The following CHODL variants were observed in gnomAD, a reference collection of about 807,000 sequenced individuals.
CHODL encodes the protein transmembrane protein MT75.
Under a neutral mutation model 34.5 loss-of-function variants are expected in CHODL, and 29 were observed. The observed-to-expected ratio is 0.84, with a 90% CI of 0.63 to 1.15. The LOEUF (loss-of-function observed/expected upper bound fraction) is 1.15. Ranked by LOEUF, CHODL falls within the 50% of genes most tolerant of loss-of-function variation. The pLI, the probability that CHODL is intolerant of heterozygous loss-of-function variation, is 0.00. For synonymous variants in CHODL, 125 were observed against 116.1 expected (o/e 1.08, Z -0.49); for missense variants, 332 against 332.5 (o/e 1.00, Z 0.01).
chr21:18,170,525 T>A (rs1421990128), intron 2 of CHODL, among the ~76,000 whole-genome samples: 1 of 152,202 alleles, frequency 6.6e-6, no homozygotes, highest in East Asian at 1.9e-4. Context: ...AGGTATTTTC[T>A]GTGTACTGTC....
Position 18,175,705 on chromosome 21 carries a change from T to C in CHODL, c.-44-80804T>C, listed in dbSNP as rs940925765. Among the ~76,000 whole-genome samples the C allele has an allele frequency of 5.9e-5, 9 of 151,814 alleles. 1 individual carries two copies. The highest frequency in any genetic ancestry group is 3.3e-4 in the Admixed American group (5 of 15,236). Reference sequence around the variant, plus strand: ...GGAATACAGCTTGTAACAAATTATATGGAACAAGCAAACGGTACTGAGATA... The same window carrying C: ...GGAATACAGCTTGTAACAAATTATACGGAACAAGCAAACGGTACTGAGATA... On this transcript the variant is annotated intron_variant, in intron 2 of 6. Transcript: ENST00000400127.
chr21:18,136,040 G>T (rs528917213), intron 2 of CHODL, among the ~76,000 whole-genome samples: 10 of 149,210 alleles, frequency 6.7e-5, no homozygotes, highest in Non-Finnish European at 1.5e-4. Flanking sequence ...CTGGGAGACG[G>T]AGGTTGCAGC....
At chr21:18,139,828 A>G (rs2072780373) in intron 2 of CHODL, among the ~76,000 whole-genome samples, 1 of 152,196 alleles carries the variant, frequency 6.6e-6, no homozygotes, top group African/African-American at 2.4e-5. Flanking sequence ...TTTTAGAAAG[A>G]GTACTCTACT....
intron 2 of CHODL, among the ~76,000 whole-genome samples, chr21:18,129,269 A>AT (rs58317594): frequency 7.5e-4 from 112 of 150,012 alleles, no homozygotes; most frequent in Admixed American, 2.9e-3. Context: ...CAAAGAAGAG[A>AT]TTTTTTTTTT....
At chr21:18,250,652 T>C (rs1368926634) in intron 1 of CHODL, among the ~76,000 whole-genome samples, 2 of 151,998 alleles carry the variant, frequency 1.3e-5, no homozygotes, top group Non-Finnish European at 2.9e-5. Flanking sequence ...AGTCATTTTC[T>C]TTTTAGTTCA....
At chr21:18,033,529 A>C (rs1414611944) in intron 2 of CHODL, among the ~76,000 whole-genome samples, 2 of 152,066 alleles carry the variant, frequency 1.3e-5, no homozygotes, top group African/African-American at 2.4e-5. Flanking sequence ...ATTTATGGTA[A>C]GATACCACTG....
chr21:18,215,450 C>CTTGACGATATCTT (rs1260231432), intron 2 of CHODL, among the ~76,000 whole-genome samples: 1 of 152,148 alleles, frequency 6.6e-6, no homozygotes, highest in Non-Finnish European at 1.5e-5. Context: ...GAGGCATGGT[C>CTTGACGATATCTT]TTGACGATAT....
intron 1 of CHODL, among the ~76,000 whole-genome samples, chr21:18,251,512 A>T (rs1568957487): frequency 9.4e-6 from 1 of 106,788 alleles, no homozygotes; most frequent in Non-Finnish European, 1.7e-5. Flanking sequence ...TTATTTTAAT[A>T]TATAAAATAT....
At chr21:17,999,897 TAC>T (rs2063889237) in intron 1 of CHODL, among the ~76,000 whole-genome samples, 1 of 152,174 alleles carries the variant, frequency 6.6e-6, no homozygotes, top group Admixed American at 6.5e-5. Flanking sequence ...TGTGAAGATG[TAC>T]ACCAACCTCT....
intron 2 of CHODL, among the ~76,000 whole-genome samples, chr21:18,109,630 T>C (rs933007780): frequency 6.6e-6 from 1 of 152,268 alleles, no homozygotes; most frequent in South Asian, 2.1e-4. Context: ...TTGTTTTTTT[T>C]CCCCTCATCT....
chr21:18,148,956 G>C, intron 2 of CHODL, among the ~76,000 whole-genome samples: 1 of 150,828 alleles, frequency 6.6e-6, no homozygotes, highest in Admixed American at 6.6e-5. Context: ...AAAGATACCA[G>C]TTTGGCTGTT....
At chr21:17,973,364 G>C (rs141441434) in intron 1 of CHODL, among the ~76,000 whole-genome samples, 112 of 151,518 alleles carry the variant, frequency 7.4e-4, no homozygotes, top group African/African-American at 2.6e-3. Flanking sequence ...AACCTACAGA[G>C]TGGGAGACAA....
At chr21:17,929,781 C>T (rs550352988) in intron 1 of CHODL, among the ~76,000 whole-genome samples, 13 of 152,368 alleles carry the variant, frequency 8.5e-5, no homozygotes, top group Admixed American at 3.3e-4. Context: ...ATTCCTGAAA[C>T]GCTGCAGCCT....
upstream of CHODL, among the ~76,000 whole-genome samples, chr21:18,240,001 A>G (rs1325428022): frequency 6.6e-6 from 1 of 151,980 alleles, no homozygotes; most frequent in East Asian, 1.9e-4. Context: ...TTTTTTCTTT[A>G]GTGAAATAAA....
At chr21:18,020,989 G>A (rs1251000711) in intron 1 of CHODL, among the ~76,000 whole-genome samples, 1 of 152,074 alleles carries the variant, frequency 6.6e-6, no homozygotes, top group Non-Finnish European at 1.5e-5. Context: ...CTTTCTTTTT[G>A]CATTAGGATG....
At chr21:18,252,129 C>T (rs1027318943) in intron 1 of CHODL, among the ~76,000 whole-genome samples, 2 of 152,092 alleles carry the variant, frequency 1.3e-5, no homozygotes, top group African/African-American at 2.4e-5. Flanking sequence ...TCTTTTCTCT[C>T]TCTTGTAGAT....
chr21:18,189,698 G>A (rs1047609007), intron 2 of CHODL, among the ~76,000 whole-genome samples: 8 of 146,386 alleles, frequency 5.5e-5, no homozygotes, highest in African/African-American at 1.8e-4. Context: ...GCAGTGGTGC[G>A]ATCTCAGCTC....
At chr21:18,037,662 C>A (rs1316310833) in intron 2 of CHODL, among the ~76,000 whole-genome samples, 1 of 151,594 alleles carries the variant, frequency 6.6e-6, no homozygotes, top group African/African-American at 2.4e-5. Context: ...TGCAGAAGCT[C>A]TCCAAGATCA....
intron 1 of CHODL, among the ~76,000 whole-genome samples, chr21:17,941,286 C>CTTTTTTTTTT (rs34255623): frequency 6.8e-5 from 6 of 87,960 alleles, no homozygotes; most frequent in African/African-American, 1.4e-4. Context: ...TAACTTGCCT[C>CTTTTTTTTTT]TTTTTTTTTT....
Sources: gnomAD v4.1 joint callset for allele counts (sites outside exome capture counted in the v4.1 genomes callset) on GRCh38, gnomAD v4.1.1 for gene constraint, MANE v1.5 for transcripts, NCBI Gene and HGNC (gene_info 2026-07-23, HGNC 2026-07-21) for gene names.